EYA2: variants seen among roughly 807,000 people sequenced by gnomAD.
EYA2 encodes the protein protein phosphatase EYA2.
EYA2 carries 31 observed loss-of-function variants against 69.2 expected under a neutral mutation model. That is an observed-to-expected ratio of 0.45 (90% CI 0.34 to 0.60). The LOEUF is 0.60. EYA2 is among the 20% of genes least tolerant of loss of function. The probability of loss-of-function intolerance (pLI) is 0.02; values close to 1 mark genes in which losing one functional copy is unlikely to be tolerated. For synonymous variants in EYA2, 257 were observed against 279.4 expected (o/e 0.92, Z 0.80); for missense variants, 622 against 701.2 (o/e 0.89, Z 1.28).
intron 1 of EYA2, among the ~76,000 whole-genome samples, chr20:46,916,458 G>A (rs907343368): frequency 5.3e-5 from 8 of 151,870 alleles, no homozygotes; most frequent in African/African-American, 1.9e-4. Flanking sequence ...GTGTGAGTTT[G>A]TGTGTGTGTG....
chr20:47,174,073 C>A (rs113037469), intron 12 of EYA2, among the ~76,000 whole-genome samples: 2 of 152,274 alleles, frequency 1.3e-5, no homozygotes, highest in African/African-American at 2.4e-5. Flanking sequence ...GGTGGTACTG[C>A]GCCCTCCTCA....
At chr20:47,053,896 C>T (rs1015977342) in intron 5 of EYA2, among the ~76,000 whole-genome samples, 7 of 151,682 alleles carry the variant, frequency 4.6e-5, no homozygotes, top group East Asian at 2.0e-4. Context: ...CGAGTAGAGT[C>T]GTTAGGGTCA....
intron 8 of EYA2, among the ~76,000 whole-genome samples, chr20:47,094,947 G>A (rs573082006): frequency 3.0e-4 from 45 of 152,210 alleles, no homozygotes; most frequent in Middle Eastern, 3.4e-3. Context: ...TGGGAGGATC[G>A]CTTGAGCCTG....
At chr20:47,153,398 T>C (rs900047260) in intron 10 of EYA2, among the ~76,000 whole-genome samples, 17 of 151,758 alleles carry the variant, frequency 1.1e-4, no homozygotes, top group Non-Finnish European at 2.2e-4. Context: ...CCTAGCACTT[T>C]TGGAGGCTGA....
At chr20:46,940,391 T>A (rs1422817697) in intron 1 of EYA2, among the ~76,000 whole-genome samples, 1 of 152,154 alleles carries the variant, frequency 6.6e-6, no homozygotes, top group African/African-American at 2.4e-5. Flanking sequence ...AATCATTTGC[T>A]CAAGGTAACT....
At chr20:47,015,144 A>G (rs2146368350) in intron 4 of EYA2, among the ~76,000 whole-genome samples, 1 of 152,354 alleles carries the variant, frequency 6.6e-6, no homozygotes, top group Non-Finnish European at 1.5e-5. Context: ...AAAGCTGGTA[A>G]TCGTGGTTGC....
intron 1 of EYA2, chr20:46,978,164 C>A (rs1474424266): frequency 6.3e-6 from 1 of 159,976 alleles, no homozygotes; most frequent in Non-Finnish European, 1.4e-5. Flanking sequence ...GTGACCACCA[C>A]CCTGGAGCCA....
chr20:46,965,836 G>A (rs1451187255), intron 1 of EYA2, among the ~76,000 whole-genome samples: 8 of 152,234 alleles, frequency 5.3e-5, no homozygotes, highest in Non-Finnish European at 8.8e-5. Context: ...CTGAGCCCAC[G>A]TCTGTTGACT....
intron 1 of EYA2, among the ~76,000 whole-genome samples, chr20:46,963,575 A>G (rs1424435122): frequency 1.3e-5 from 2 of 152,256 alleles, no homozygotes; most frequent in African/African-American, 2.4e-5. Flanking sequence ...GGGGTCTTCC[A>G]TACTCACTGG....
chr20:47,178,489 G>A (rs78496057), intron 12 of EYA2, among the ~76,000 whole-genome samples: 3 of 31,582 alleles, frequency 9.5e-5, no homozygotes, highest in Non-Finnish European at 1.7e-4. Context: ...GGGAACAAAC[G>A]AGGCCTCCAG....
At chr20:47,184,060 G>T (rs1177139921) in intron 15 of EYA2, among the ~76,000 whole-genome samples, 1 of 152,218 alleles carries the variant, frequency 6.6e-6, no homozygotes. Context: ...CCCAGAAGAA[G>T]AGGGAAGCCC....
chr20:46,970,327 T>C (rs1234222571), intron 1 of EYA2, among the ~76,000 whole-genome samples: 2 of 152,186 alleles, frequency 1.3e-5, no homozygotes, highest in Non-Finnish European at 2.9e-5. Context: ...TAAGTGTATA[T>C]AAAAATAGAG....
intron 5 of EYA2, among the ~76,000 whole-genome samples, chr20:47,040,868 T>C (rs1985024875): frequency 6.6e-6 from 1 of 152,136 alleles, no homozygotes; most frequent in Admixed American, 6.5e-5. Flanking sequence ...CCAAAACCTG[T>C]AAACCACTGT....
intron 7 of EYA2, among the ~76,000 whole-genome samples, chr20:47,080,896 C>T (rs2031689688): frequency 6.6e-6 from 1 of 152,234 alleles, no homozygotes; most frequent in South Asian, 2.1e-4. Context: ...GAGACAAGGT[C>T]TTACTCTGTC....
chr20:46,914,204 T>C (rs16992019), intron 1 of EYA2, among the ~76,000 whole-genome samples: 3,370 of 152,314 alleles, frequency 0.022, 124 homozygotes, highest in African/African-American at 0.076. Context: ...CATTTTTCCC[T>C]GACAAATTTG....
At position 46,933,649 on chromosome 20, in the gene EYA2, A is replaced by G. The variant is rs560225700; in HGVS notation, c.-11+38662A>G. ...AAGTGGGGCAAGATGGAAAGCGCCA[A>G]GTCTCACTAGAACGAGGGAGGCCGA... is the stretch of plus-strand genomic sequence containing the variant. On this transcript the variant is annotated intron_variant, in intron 1 of 15. Transcript: ENST00000327619. Among the ~76,000 whole-genome samples, 116 of 152,338 alleles carry G rather than the reference A, an allele frequency of 7.6e-4. 1 individual carries two copies. The South Asian group carries it at 0.023, about 31-fold the overall frequency.
chr20:46,953,885 T>C (rs1476105630), intron 1 of EYA2, among the ~76,000 whole-genome samples: 1 of 152,230 alleles, frequency 6.6e-6, no homozygotes, highest in Non-Finnish European at 1.5e-5. Context: ...GCCACTCTCC[T>C]GTTCAGAACC....
intron 10 of EYA2, among the ~76,000 whole-genome samples, chr20:47,167,754 G>A (rs184476056): frequency 6.6e-5 from 10 of 152,128 alleles, no homozygotes; most frequent in South Asian, 2.1e-4. Context: ...GGCCCACCCC[G>A]ACAGCCAAGG....
At chr20:46,932,306 C>T (rs1985705681) in intron 1 of EYA2, among the ~76,000 whole-genome samples, 1 of 152,120 alleles carries the variant, frequency 6.6e-6, no homozygotes, top group Admixed American at 6.5e-5. Context: ...CTAAATGCCA[C>T]CATCCTCCAA....
Sources: gnomAD v4.1 joint callset for allele counts (sites outside exome capture counted in the v4.1 genomes callset) on GRCh38, gnomAD v4.1.1 for gene constraint, MANE v1.5 for transcripts, NCBI Gene and HGNC (gene_info 2026-07-23, HGNC 2026-07-21) for gene names.